Variants in GPC5 observed in about 807,000 individuals in gnomAD.
GPC5 encodes the protein glypican 5, also known as glypican-5.
Under a neutral mutation model 53.9 loss-of-function variants are expected in GPC5, and 47 were observed. That is an observed-to-expected ratio of 0.87 (90% confidence interval 0.69 to 1.11). GPC5 has a LOEUF of 1.11. Among genes scored for constraint, GPC5 ranks in the 50% most tolerant of loss-of-function variants. The probability of loss-of-function intolerance (pLI) is 0.00; values close to 1 mark genes in which losing one functional copy is unlikely to be tolerated. For missense variants in GPC5, 748 were observed against 713.1 expected (o/e 1.05, Z -0.56); for synonymous variants, 286 against 263.3 (o/e 1.09, Z -0.84).
intron 6 of GPC5, among the ~76,000 whole-genome samples, chr13:91,969,839 T>G (rs1057440879): frequency 6.6e-6 from 1 of 152,150 alleles, no homozygotes; most frequent in African/African-American, 2.4e-5. Flanking sequence ...TTGGGATATC[T>G]GTTGTACAAA....
intron 2 of GPC5, among the ~76,000 whole-genome samples, chr13:91,563,732 C>A (rs2031394835): frequency 6.6e-6 from 1 of 152,042 alleles, no homozygotes; most frequent in African/African-American, 2.4e-5. Flanking sequence ...TTGATAATAC[C>A]AGCGAAGTTC....
chr13:92,354,200 T>C (rs2043503800), intron 7 of GPC5, among the ~76,000 whole-genome samples: 1 of 152,240 alleles, frequency 6.6e-6, no homozygotes, highest in Non-Finnish European at 1.5e-5. Context: ...ACTTGACAAG[T>C]AATTCTGATA....
intron 7 of GPC5, among the ~76,000 whole-genome samples, chr13:92,801,788 T>C (rs1333659300): frequency 1.3e-5 from 2 of 151,714 alleles, no homozygotes; most frequent in Admixed American, 6.6e-5. Flanking sequence ...AATGTAAAAC[T>C]AAAAAATATT....
intron 6 of GPC5, among the ~76,000 whole-genome samples, chr13:91,929,237 A>G (rs2039798197): frequency 6.6e-6 from 1 of 152,120 alleles, no homozygotes; most frequent in African/African-American, 2.4e-5. Context: ...AAGGATTTTA[A>G]TTCAAATGGT....
chr13:92,230,703 A>C (rs186870679), intron 7 of GPC5, among the ~76,000 whole-genome samples: 2 of 152,330 alleles, frequency 1.3e-5, no homozygotes, highest in African/African-American at 4.8e-5. Context: ...AAATAGATTT[A>C]AAAATTTACA....
chr13:91,869,350 CGCCA>C (rs1358943784), intron 5 of GPC5, among the ~76,000 whole-genome samples: 1 of 152,004 alleles, frequency 6.6e-6, no homozygotes, highest in Non-Finnish European at 1.5e-5. Flanking sequence ...TGAACCACCT[CGCCA>C]GCAATGGTGT....
intron 2 of GPC5, among the ~76,000 whole-genome samples, chr13:91,647,778 G>T (rs2034597237): frequency 6.6e-6 from 1 of 152,106 alleles, no homozygotes; most frequent in Admixed American, 6.6e-5. Flanking sequence ...GCATTTCCTG[G>T]CTCCCTCTCA....
At chr13:92,814,486 C>A (rs1453954627) in intron 7 of GPC5, among the ~76,000 whole-genome samples, 4 of 151,634 alleles carry the variant, frequency 2.6e-5, no homozygotes, top group African/African-American at 9.7e-5. Context: ...CATGGTGAAA[C>A]CCCGTCTCTA....
intron 1 of GPC5, among the ~76,000 whole-genome samples, chr13:91,413,149 T>C (rs1434526308): frequency 6.6e-6 from 1 of 152,146 alleles, no homozygotes; most frequent in Non-Finnish European, 1.5e-5. Flanking sequence ...GGTGTAGTGT[T>C]GTACACCTGT....
intron 3 of GPC5, among the ~76,000 whole-genome samples, chr13:91,699,990 A>G (rs778530002): frequency 6.6e-6 from 1 of 152,144 alleles, no homozygotes; most frequent in African/African-American, 2.4e-5. Flanking sequence ...TCAAAGGGTA[A>G]TTTTATTGTG....
intron 7 of GPC5, among the ~76,000 whole-genome samples, chr13:92,321,450 G>A: frequency 6.6e-6 from 1 of 152,110 alleles, no homozygotes. Flanking sequence ...AAATAGCTGG[G>A]TGTGGTGGCA....
At chr13:91,710,858 A>G (rs2036210105) in intron 3 of GPC5, among the ~76,000 whole-genome samples, 1 of 152,246 alleles carries the variant, frequency 6.6e-6, no homozygotes, top group Non-Finnish European at 1.5e-5. Flanking sequence ...TTGAAGAAAA[A>G]AAAAGTTGCA....
chr13:92,258,267 A>C (rs2042741354), intron 7 of GPC5, among the ~76,000 whole-genome samples: 1 of 152,222 alleles, frequency 6.6e-6, no homozygotes, highest in African/African-American at 2.4e-5. Context: ...CTATTTCTTC[A>C]GATAGTTAAA....
At chr13:91,712,898 A>G (rs958270020) in intron 3 of GPC5, among the ~76,000 whole-genome samples, 6 of 120,156 alleles carry the variant, frequency 5.0e-5, no homozygotes, top group African/African-American at 1.9e-4. Context: ...AAACAAAAAT[A>G]AAAAACAAGC....
intron 2 of GPC5, among the ~76,000 whole-genome samples, chr13:91,665,499 G>C (rs1389448620): frequency 1.6e-5 from 2 of 121,678 alleles, no homozygotes; most frequent in Non-Finnish European, 3.2e-5. Context: ...TTCAGGAAAA[G>C]CCAGTCTTTT....
At chr13:92,345,275 A>G (rs1329536610) in intron 7 of GPC5, among the ~76,000 whole-genome samples, 1 of 152,220 alleles carries the variant, frequency 6.6e-6, no homozygotes. Flanking sequence ...AAAAGTAATC[A>G]TAATGACTGT....
intron 7 of GPC5, among the ~76,000 whole-genome samples, chr13:92,157,303 C>G (rs1358534711): frequency 6.6e-6 from 1 of 152,156 alleles, no homozygotes; most frequent in East Asian, 1.9e-4. Flanking sequence ...GAACTCTCCA[C>G]TGAACCAAAA....
chr13:91,419,731 A>G (rs1264451145), intron 1 of GPC5, among the ~76,000 whole-genome samples: 1 of 152,196 alleles, frequency 6.6e-6, no homozygotes, highest in Admixed American at 6.6e-5. Flanking sequence ...GACGTATTAG[A>G]TTGAAATTGA....
chr13:92,498,401 A>G (rs951857844), intron 7 of GPC5, among the ~76,000 whole-genome samples: 2 of 152,096 alleles, frequency 1.3e-5, no homozygotes, highest in Non-Finnish European at 2.9e-5. Flanking sequence ...CTAGAGAAAG[A>G]TCATATACCA....
Sources: gnomAD v4.1 joint callset for allele counts (sites outside exome capture counted in the v4.1 genomes callset) on GRCh38, gnomAD v4.1.1 for gene constraint, MANE v1.5 for transcripts, NCBI Gene and HGNC (gene_info 2026-07-23, HGNC 2026-07-21) for gene names.